Variants in CLNK observed in about 807,000 individuals in gnomAD.
CLNK encodes the protein cytokine dependent hematopoietic cell linker, also known as cytokine-dependent hematopoietic cell linker.
CLNK carries 74 observed loss-of-function variants against 68.6 expected under a neutral mutation model. That is an observed-to-expected ratio of 1.08 (90% confidence interval 0.89 to 1.31). The LOEUF (loss-of-function observed/expected upper bound fraction) is 1.31, where lower values mean the gene tolerates loss of function less well. Ranked by LOEUF, CLNK falls within the 50% of genes most tolerant of loss-of-function variation. The pLI is 0.00. For missense variants in CLNK, 553 were observed against 515.3 expected (o/e 1.07, Z -0.71); for synonymous variants, 198 against 172.2 (o/e 1.15, Z -1.17).
In CLNK at chr4:10,640,134, C is replaced by T. The variant is rs140198368; in HGVS notation, c.11+27725G>A. On this transcript the variant is annotated intron_variant, in intron 2 of 18. Transcript: ENST00000226951. The stretch of plus-strand genomic sequence containing the variant: ...AAAGAGGTTATTTAGGGCATTGTTG[C>T]ATGGAGGAGGACAATGGACTAACAT... Among the ~76,000 whole-genome samples the T allele has an allele frequency of 2.0e-4, 30 of 152,124 alleles. No individual in the cohort carries two copies. In the East Asian group the frequency reaches 5.2e-3, roughly 26 times the overall value.
chr4:10,671,667 G>T (rs1253214074), intron 1 of CLNK, among the ~76,000 whole-genome samples: 2 of 152,140 alleles, frequency 1.3e-5, no homozygotes, highest in Non-Finnish European at 2.9e-5. Flanking sequence ...TTCCTCATGT[G>T]TGCATTTTCA....
the CLNK span, among the ~76,000 whole-genome samples, chr4:10,724,838 T>A: frequency 1.3e-5 from 2 of 152,200 alleles, no homozygotes; most frequent in African/African-American, 4.8e-5. Context: ...GAACTTCCCC[T>A]TCTCCTAGTG....
intron 3 of CLNK, among the ~76,000 whole-genome samples, chr4:10,596,217 GT>G (rs1721378769): frequency 6.6e-6 from 1 of 152,058 alleles, no homozygotes; most frequent in South Asian, 2.1e-4. Context: ...TAGAGACGGG[GT>G]TTCTCCATGT....
intron 15 of CLNK, among the ~76,000 whole-genome samples, chr4:10,519,338 T>G (rs1331266682): frequency 6.6e-6 from 1 of 152,158 alleles, no homozygotes; most frequent in Non-Finnish European, 1.5e-5. Flanking sequence ...TATTTCAAGT[T>G]AAGATTCTGG....
intron 2 of CLNK, among the ~76,000 whole-genome samples, chr4:10,655,344 G>GAGAGAGAGAGAGAGAGAGAGAC (rs1560264981): frequency 7.6e-5 from 4 of 52,904 alleles, no homozygotes; most frequent in African/African-American, 1.8e-4. Context: ...CAGAGAGAGA[G>GAGAGAGAGAGAGAGAGAGAGAC]AGAGAGAGAG....
At chr4:10,721,391 A>G in the CLNK span, among the ~76,000 whole-genome samples, 1 of 152,226 alleles carries the variant, frequency 6.6e-6, no homozygotes, top group African/African-American at 2.4e-5. Context: ...GAGACTCTAC[A>G]ATCATCTGAA....
At position 10,520,835 on chromosome 4, in the gene CLNK, T is replaced by A; in HGVS notation, c.732-4A>T. The A allele has an allele frequency of 6.3e-7, 1 of 1,597,974 alleles. No homozygotes were observed. Among genetic ancestry groups the A allele is most frequent in the Non-Finnish European group, 8.6e-7 (1 of 1,169,334 alleles). On this transcript the variant is annotated splice_region_variant and splice_polypyrimidine_tract_variant and intron_variant, in intron 14 of 18. Transcript: ENST00000226951. ...GTTGCTTGTCGTGAATGAAGAACTA[T>A]AAGAAAATATGTTAAAATTCAAAGA...
At chr4:10,634,368 C>T (rs1446677323) in intron 2 of CLNK, among the ~76,000 whole-genome samples, 1 of 152,202 alleles carries the variant, frequency 6.6e-6, no homozygotes, top group Non-Finnish European at 1.5e-5. Flanking sequence ...CCACTGTTTC[C>T]CAGCTTCCCA....
intron 11 of CLNK, among the ~76,000 whole-genome samples, chr4:10,532,892 C>CT (rs949175638): frequency 2.6e-5 from 4 of 152,176 alleles, no homozygotes; most frequent in African/African-American, 7.2e-5. Flanking sequence ...CTAAACCTCA[C>CT]TTTTTTTCAT....
intron 8 of CLNK, among the ~76,000 whole-genome samples, chr4:10,552,201 C>T (rs1243450544): frequency 6.6e-6 from 1 of 152,212 alleles, no homozygotes; most frequent in Non-Finnish European, 1.5e-5. Context: ...CACTCCCCAT[C>T]TTATCTTTTC....
chr4:10,610,257 C>T (rs2720353), intron 2 of CLNK, among the ~76,000 whole-genome samples: 101,491 of 146,856 alleles, frequency 0.69, 35,837 homozygotes, highest in East Asian at 0.77. Flanking sequence ...GGGGTTTCAC[C>T]GTGGTCTCGA....
intron 15 of CLNK, among the ~76,000 whole-genome samples, chr4:10,516,027 T>C (rs1165657723): frequency 1.3e-5 from 2 of 152,198 alleles, no homozygotes; most frequent in Non-Finnish European, 2.9e-5. Context: ...AAATAACATA[T>C]TATCATTGCA....
At chr4:10,536,007 A>G (rs1718747883) in intron 11 of CLNK, among the ~76,000 whole-genome samples, 1 of 152,220 alleles carries the variant, frequency 6.6e-6, no homozygotes, top group Non-Finnish European at 1.5e-5. Context: ...CCTTTACTGA[A>G]GTGCTTCAAT....
At chr4:10,490,834 G>T (rs975062767) in intron 18 of CLNK, among the ~76,000 whole-genome samples, 1 of 151,994 alleles carries the variant, frequency 6.6e-6, no homozygotes, top group Non-Finnish European at 1.5e-5. Flanking sequence ...CCACAATCTC[G>T]GCTCACTGCA....
intron 2 of CLNK, among the ~76,000 whole-genome samples, chr4:10,647,861 C>T (rs182200203): frequency 5.1e-4 from 77 of 152,254 alleles, no homozygotes; most frequent in African/African-American, 1.7e-3. Flanking sequence ...TGCCCTAAGT[C>T]CCATAGATGC....
chr4:10,637,085 C>T (rs933407903), intron 2 of CLNK, among the ~76,000 whole-genome samples: 4 of 152,122 alleles, frequency 2.6e-5, no homozygotes, highest in South Asian at 2.1e-4. Context: ...AAGAAGGACA[C>T]GAGAAGAGCA....
At chr4:10,717,120 G>C in the CLNK span, among the ~76,000 whole-genome samples, 1 of 152,162 alleles carries the variant, frequency 6.6e-6, no homozygotes, top group Admixed American at 6.5e-5. Flanking sequence ...CAAATGCCCA[G>C]CTGGGGTAGT....
the CLNK span, among the ~76,000 whole-genome samples, chr4:10,732,115 G>A: frequency 6.6e-6 from 1 of 152,148 alleles, no homozygotes; most frequent in African/African-American, 2.4e-5. Flanking sequence ...ACAATGTGGT[G>A]AAAATAATTA....
chr4:10,708,846 G>T, the CLNK span, among the ~76,000 whole-genome samples: 29 of 152,182 alleles, frequency 1.9e-4, no homozygotes, highest in African/African-American at 6.3e-4. Context: ...CACAGAAGGA[G>T]CACGGAATGT....
Sources: allele counts gnomAD v4.1 joint callset (sites outside exome capture counted in the v4.1 genomes callset), GRCh38; gene constraint gnomAD v4.1.1; transcripts MANE v1.5; gene names NCBI Gene and HGNC (gene_info 2026-07-23, HGNC 2026-07-21).